The following DNAJC24 variants were observed in gnomAD, a reference collection of about 807,000 sequenced individuals.
DNAJC24 encodes the protein dnaJ homolog subfamily C member 24.
Under a neutral mutation model 18.0 loss-of-function variants are expected in DNAJC24, and 17 were observed. That is an observed-to-expected ratio of 0.94 (90% CI 0.65 to 1.42). The LOEUF is 1.42. Among genes scored for constraint, DNAJC24 ranks in the 40% most tolerant of loss-of-function variants. The probability of loss-of-function intolerance (pLI) is 0.00; values close to 1 mark genes in which losing one functional copy is unlikely to be tolerated. For synonymous variants in DNAJC24, 55 were observed against 57.7 expected, an observed-to-expected ratio of 0.95 and a Z score of 0.21; for missense variants, 158 against 175.6, an observed-to-expected ratio of 0.90 and a Z score of 0.57.
chr11:31,417,006 G>A (rs1025657566), intron 3 of DNAJC24: 1 of 152,094 alleles, frequency 6.6e-6, no homozygotes, highest in Non-Finnish European at 1.5e-5. Flanking sequence ...AGTAAATACT[G>A]TGAGAGTTGG....
In DNAJC24 at chr11:31,375,529, G is replaced by A. The variant is rs1483518835; in HGVS notation, c.111+4670G>A. The stretch of plus-strand genomic sequence containing the variant: ...TTTACACTGTATGGGAAGTGGCCAC[G>A]GAAAAGCTTGAGATTGAAGTTATAG... On this transcript the variant is annotated intron_variant, in intron 2 of 4. Transcript: ENST00000465995. Among the ~76,000 whole-genome samples the A allele has an allele frequency of 2.2e-5, 3 of 134,620 alleles. 1 individual carries two copies. Among genetic ancestry groups the A allele is most frequent in the Non-Finnish European group, 3.4e-5 (2 of 58,238 alleles). 88.3% of individuals were successfully genotyped at this position (134,620 alleles called of 152,430 possible). A position where few individuals can be genotyped will look rare whatever the true frequency, so the allele number is the denominator to read the frequency against.
At chr11:31,403,789 A>G (rs1352707444) in intron 2 of DNAJC24, among the ~76,000 whole-genome samples, 1 of 152,180 alleles carries the variant, frequency 6.6e-6, no homozygotes, top group Non-Finnish European at 1.5e-5. Context: ...TGTTACAGGA[A>G]AGAGGTCTCA....
chr11:31,426,466 T>G (rs1952862160), intron 4 of DNAJC24, 111 bp downstream of exon 4: 2 of 628,794 alleles, frequency 3.2e-6, no homozygotes, highest in East Asian at 5.8e-5. Context: ...TAGTGTGGCT[T>G]TCTATATATA....
At chr11:31,420,602 CTG>C (rs1209938384) in intron 3 of DNAJC24, among the ~76,000 whole-genome samples, 1 of 152,128 alleles carries the variant, frequency 6.6e-6, no homozygotes, top group Non-Finnish European at 1.5e-5. Flanking sequence ...TTAAAAATAA[CTG>C]TGATTTTTAT....
chr11:31,389,649 C>G (rs1003606283), intron 2 of DNAJC24, among the ~76,000 whole-genome samples: 9 of 152,144 alleles, frequency 5.9e-5, no homozygotes, highest in Non-Finnish European at 4.4e-5. Flanking sequence ...CACCTATAGA[C>G]CAAATGGACC....
At chr11:31,421,415 C>T (rs186730729) in intron 3 of DNAJC24, among the ~76,000 whole-genome samples, 1 of 152,258 alleles carries the variant, frequency 6.6e-6, no homozygotes, top group East Asian at 1.9e-4. Flanking sequence ...TAAACAAACA[C>T]AGTGGACTAA....
chr11:31,422,765 T>TG (rs146656103), intron 3 of DNAJC24, among the ~76,000 whole-genome samples: 1,994 of 152,200 alleles, frequency 0.013, 41 homozygotes, highest in African/African-American at 0.044. Flanking sequence ...ATAACCACAA[T>TG]GGTGGACAAG....
intron 2 of DNAJC24, among the ~76,000 whole-genome samples, chr11:31,410,312 ACTGT>A (rs1445133172): frequency 4.6e-5 from 7 of 152,188 alleles, no homozygotes; most frequent in Admixed American, 2.6e-4. Flanking sequence ...TCATGTGCAC[ACTGT>A]CTGTTCATCA....
intron 2 of DNAJC24, among the ~76,000 whole-genome samples, chr11:31,388,267 AT>A (rs1250430066): frequency 6.6e-6 from 1 of 152,186 alleles, no homozygotes; most frequent in Admixed American, 6.5e-5. Flanking sequence ...CAAGAAGGTT[AT>A]AGAACACCAA....
In DNAJC24 at chr11:31,414,945, G is replaced by T. The variant is rs751168624; in HGVS notation, c.246G>T (p.Arg82=). Residue 82 remains arginine (R), a synonymous_variant, in exon 3 of 5, where the codon CGG becomes CGT. Transcript: ENST00000465995. ...EETKREYDLQ[R]CEDDLRNVGP... ...CAAAAAGAGAGTATGACCTGCAGCG[G>T]TGTGGTAGGTGCTTGTGTTGAGGAG... is the stretch of plus-strand genomic sequence containing the variant. The T allele has an allele frequency of 3.7e-6, 6 of 1,612,750 alleles. No homozygotes were observed. In the African/African-American group the frequency reaches 6.7e-5, roughly 18 times the overall value.
chr11:31,395,236 G>A (rs940059365), intron 2 of DNAJC24, among the ~76,000 whole-genome samples: 13 of 152,286 alleles, frequency 8.5e-5, no homozygotes, highest in Middle Eastern at 3.4e-3. Flanking sequence ...TGGCTACATA[G>A]TATTCCATGT....
At chr11:31,429,153 ATGG>A (rs1952893593) in intron 4 of DNAJC24, among the ~76,000 whole-genome samples, 1 of 151,988 alleles carries the variant, frequency 6.6e-6, no homozygotes, top group Admixed American at 6.6e-5. Flanking sequence ...ATTTTTCTGT[ATGG>A]AGAGCAAAGG....
chr11:31,381,338 A>G, intron 2 of DNAJC24, among the ~76,000 whole-genome samples: 1 of 152,088 alleles, frequency 6.6e-6, no homozygotes, highest in East Asian at 1.9e-4. Flanking sequence ...TTTCTGTGTC[A>G]CAAATACAAT....
At chr11:31,408,800 A>G (rs952833863) in intron 2 of DNAJC24, among the ~76,000 whole-genome samples, 3 of 152,188 alleles carry the variant, frequency 2.0e-5, no homozygotes, top group African/African-American at 7.2e-5. Flanking sequence ...ATTTTCCCCA[A>G]AATTTGAGGA....
At chr11:31,418,004 C>T (rs1236170233) in intron 3 of DNAJC24, among the ~76,000 whole-genome samples, 1 of 151,882 alleles carries the variant, frequency 6.6e-6, no homozygotes, top group African/African-American at 2.4e-5. Flanking sequence ...CTTCTATATG[C>T]TTAGTTGACA....
chr11:31,389,343 A>AAAC (rs1952464448), intron 2 of DNAJC24, among the ~76,000 whole-genome samples: 1 of 151,972 alleles, frequency 6.6e-6, no homozygotes, highest in African/African-American at 2.4e-5. Flanking sequence ...AACAAACAAA[A>AAAC]AAAGAGTAAA....
chr11:31,370,929 T>TG, intron 2 of DNAJC24, 70 bp downstream of exon 2: 1 of 960,418 alleles, frequency 1.0e-6, no homozygotes, highest in African/African-American at 1.7e-5. Context: ...ACCACAAATT[T>TG]AGGTTTCCAG....
chr11:31,411,349 A>G (rs774718815), intron 2 of DNAJC24, among the ~76,000 whole-genome samples: 1 of 152,224 alleles, frequency 6.6e-6, no homozygotes, highest in Non-Finnish European at 1.5e-5. Flanking sequence ...CCAATTTTAA[A>G]TCATAAATAT....
intron 3 of DNAJC24, among the ~76,000 whole-genome samples, chr11:31,421,259 G>A (rs544079357): frequency 1.3e-5 from 2 of 152,292 alleles, no homozygotes; most frequent in South Asian, 4.1e-4. Context: ...GAAGTGTTAA[G>A]AATGAGGTGA....
Sources: gnomAD v4.1 joint callset for allele counts (sites outside exome capture counted in the v4.1 genomes callset) on GRCh38, gnomAD v4.1.1 for gene constraint, MANE v1.5 for transcripts, NCBI Gene and HGNC (gene_info 2026-07-23, HGNC 2026-07-21) for gene names.